Variants in ADARB2 observed in about 807,000 individuals in gnomAD.
The protein encoded by ADARB2 is inactive double-stranded RNA-specific editase B2.
ADARB2 carries 25 observed loss-of-function variants against 62.2 expected under a neutral mutation model. The observed-to-expected ratio is 0.40, with a 90% CI of 0.29 to 0.56. The LOEUF is 0.56. ADARB2 is among the 20% of genes least tolerant of loss of function. ADARB2 has a pLI of 0.43. For synonymous variants in ADARB2, 572 were observed against 500.8 expected, an observed-to-expected ratio of 1.14 and a Z score of -1.90; for missense variants, 1,071 against 1,077.4, an observed-to-expected ratio of 0.99 and a Z score of 0.08.
chr10:1,671,760 A>T (rs1834387646), intron 1 of ADARB2, among the ~76,000 whole-genome samples: 1 of 151,896 alleles, frequency 6.6e-6, no homozygotes, highest in Admixed American at 6.6e-5. Context: ...GACGCTCCAT[A>T]CGCTGCGTCA....
intron 3 of ADARB2, among the ~76,000 whole-genome samples, chr10:1,315,484 C>G (rs894665350): frequency 6.6e-6 from 1 of 152,258 alleles, no homozygotes; most frequent in Admixed American, 6.5e-5. Context: ...CTGCACCTGA[C>G]ATTTGATTTA....
In ADARB2 at chr10:1,569,256, C is replaced by T. The variant is rs181859095; in HGVS notation, c.100+167795G>A. ...AGAGAAGGTGGTGGCGGGGGAGAGACAGAGAGCGAGAGAGAGAGACAGAGA... is the reference window on the plus strand; with the variant it reads ...AGAGAAGGTGGTGGCGGGGGAGAGATAGAGAGCGAGAGAGAGAGACAGAGA... On this transcript the variant is annotated intron_variant, in intron 1 of 9. Coordinates refer to ENST00000381312, the MANE Select transcript of ADARB2 (RefSeq NM_018702.4). 1.5e-4 allele frequency among the ~76,000 whole-genome samples: 22 copies of T among 151,610 alleles called. No homozygotes were observed. In the East Asian group the frequency reaches 4.1e-3, roughly 28 times the overall value.
At chr10:1,733,885 C>A (rs1258771671) in intron 1 of ADARB2, among the ~76,000 whole-genome samples, 3 of 152,144 alleles carry the variant, frequency 2.0e-5, no homozygotes, top group Non-Finnish European at 4.4e-5. Context: ...CTACTATTTT[C>A]CGAACGCCTC....
chr10:1,467,319 ATC>A (rs970097361), intron 1 of ADARB2, among the ~76,000 whole-genome samples: 1 of 152,190 alleles, frequency 6.6e-6, no homozygotes, highest in African/African-American at 2.4e-5. Context: ...CAAAGCAAAC[ATC>A]TCTCTGGCAG....
chr10:1,417,860 G>T (rs569402437), intron 1 of ADARB2, among the ~76,000 whole-genome samples: 1 of 152,370 alleles, frequency 6.6e-6, no homozygotes, highest in East Asian at 1.9e-4. Context: ...GAGGCCACGC[G>T]CTGTGGGCCC....
At chr10:1,488,689 C>A (rs4880511) in intron 1 of ADARB2, among the ~76,000 whole-genome samples, 17,870 of 152,248 alleles carry the variant, frequency 0.12, 1,702 homozygotes, top group East Asian at 0.33. Flanking sequence ...GCTCCTCACA[C>A]TGGAATATTC....
At chr10:1,494,117 C>T (rs902054664) in intron 1 of ADARB2, among the ~76,000 whole-genome samples, 4 of 152,196 alleles carry the variant, frequency 2.6e-5, no homozygotes, top group Admixed American at 1.3e-4. Flanking sequence ...GATCCATTTG[C>T]ATGGTTTCTT....
At chr10:1,535,441 C>T (rs1832318705) in intron 1 of ADARB2, among the ~76,000 whole-genome samples, 1 of 152,210 alleles carries the variant, frequency 6.6e-6, no homozygotes, top group Non-Finnish European at 1.5e-5. Flanking sequence ...TTAAATGTAT[C>T]TCCTTCTTAG....
chr10:1,578,187 C>G (rs915940199), intron 1 of ADARB2, among the ~76,000 whole-genome samples: 3 of 152,152 alleles, frequency 2.0e-5, no homozygotes, highest in Non-Finnish European at 4.4e-5. Flanking sequence ...TAAGGGGTTC[C>G]CAGCACTTCC....
chr10:1,323,251 A>T (rs1004092339), intron 3 of ADARB2, among the ~76,000 whole-genome samples: 1 of 33,420 alleles, frequency 3.0e-5, no homozygotes, highest in African/African-American at 2.4e-4. Context: ...TTGAAATTGT[A>T]AAAAAAAAAA....
chr10:1,497,575 T>G (rs1831709616), intron 1 of ADARB2, among the ~76,000 whole-genome samples: 1 of 152,202 alleles, frequency 6.6e-6, no homozygotes, highest in African/African-American at 2.4e-5. Context: ...AAATAATTGA[T>G]TCAAAACTAT....
intron 1 of ADARB2, among the ~76,000 whole-genome samples, chr10:1,709,009 G>A (rs1311729956): frequency 6.6e-6 from 1 of 152,156 alleles, no homozygotes; most frequent in African/African-American, 2.4e-5. Flanking sequence ...TAAATATGGA[G>A]GGAGGAGGGG....
At chr10:1,550,613 A>G (rs531647960) in intron 1 of ADARB2, among the ~76,000 whole-genome samples, 2 of 152,376 alleles carry the variant, frequency 1.3e-5, no homozygotes, top group Admixed American at 6.5e-5. Context: ...GGTTGCAGCC[A>G]CACAGACCGA....
intron 1 of ADARB2, among the ~76,000 whole-genome samples, chr10:1,567,592 C>T (rs957364938): frequency 6.6e-6 from 1 of 152,192 alleles, no homozygotes; most frequent in Non-Finnish European, 1.5e-5. Flanking sequence ...CATGCCAGGA[C>T]ACAGGACGTG....
At chr10:1,685,796 A>G (rs61831978) in intron 1 of ADARB2, among the ~76,000 whole-genome samples, 13,500 of 152,238 alleles carry the variant, frequency 0.089, 770 homozygotes, top group East Asian at 0.22. Flanking sequence ...GTCCTGATGG[A>G]GATCATCATG....
chr10:1,713,343 G>A (rs1834976468), intron 1 of ADARB2, among the ~76,000 whole-genome samples: 2 of 152,278 alleles, frequency 1.3e-5, no homozygotes, highest in East Asian at 1.9e-4. Flanking sequence ...GAACTGTCTC[G>A]CCATGTGGAG....
chr10:1,495,600 T>TAATATAATCATCACCATC (rs1831677966), intron 1 of ADARB2, among the ~76,000 whole-genome samples: 1 of 64,812 alleles, frequency 1.5e-5, no homozygotes, highest in Non-Finnish European at 4.3e-5. Context: ...TGGTAAGCTT[T>TAATATAATCATCACCATC]AGAGGAGCCT....
chr10:1,425,232 C>T (rs1328323119), intron 1 of ADARB2, among the ~76,000 whole-genome samples: 1 of 152,176 alleles, frequency 6.6e-6, no homozygotes, highest in African/African-American at 2.4e-5. Flanking sequence ...TGTGCTACTG[C>T]ATTTGATTTC....
intron 1 of ADARB2, among the ~76,000 whole-genome samples, chr10:1,473,412 T>C (rs1300817217): frequency 1.3e-5 from 2 of 152,088 alleles, no homozygotes; most frequent in Non-Finnish European, 2.9e-5. Context: ...TGACAGGGCC[T>C]CACTCTGTTG....
Sources: allele counts gnomAD v4.1 joint callset (sites outside exome capture counted in the v4.1 genomes callset), GRCh38; gene constraint gnomAD v4.1.1; transcripts MANE v1.5; gene names NCBI Gene and HGNC (gene_info 2026-07-23, HGNC 2026-07-21).